Variants in CSMD1 observed in about 807,000 individuals in gnomAD.
The protein encoded by CSMD1 is CUB and sushi domain-containing protein 1.
CSMD1 carries 213 observed loss-of-function variants against 417.5 expected under a neutral mutation model. That is an observed-to-expected ratio of 0.51 (90% CI 0.46 to 0.57). The LOEUF is 0.57. Ranked by LOEUF, CSMD1 falls within the 20% of genes least tolerant of loss-of-function variation. The pLI, the probability that CSMD1 is intolerant of heterozygous loss-of-function variation, is 0.00. For missense variants in CSMD1, 6,923 were observed against 4,529.7 expected, an observed-to-expected ratio of 1.53 and a Z score of -15.17; for synonymous variants, 2,862 against 1,736.8, an observed-to-expected ratio of 1.65 and a Z score of -16.11.
intron 3 of CSMD1, among the ~76,000 whole-genome samples, chr8:4,404,823 G>A (rs1328796299): frequency 6.6e-6 from 1 of 152,108 alleles, no homozygotes; most frequent in African/African-American, 2.4e-5. Context: ...CACAGTAAGT[G>A]AGGCAATAAC....
At chr8:3,896,475 G>C (rs940642506) in intron 5 of CSMD1, among the ~76,000 whole-genome samples, 2 of 151,876 alleles carry the variant, frequency 1.3e-5, no homozygotes, top group African/African-American at 4.8e-5. Context: ...TTCAATAAAA[G>C]GCTACCAAAT....
chr8:4,473,712 G>T (rs1402213596), intron 2 of CSMD1, among the ~76,000 whole-genome samples: 1 of 152,136 alleles, frequency 6.6e-6, no homozygotes, highest in African/African-American at 2.4e-5. Flanking sequence ...AGGTATGCAG[G>T]AATGTGTAGC....
intron 5 of CSMD1, among the ~76,000 whole-genome samples, chr8:3,923,097 G>A (rs780950457): frequency 5.3e-5 from 8 of 152,136 alleles, no homozygotes; most frequent in Admixed American, 1.3e-4. Context: ...GGGCCCTTGT[G>A]ACTGGGACTC....
chr8:3,359,737 A>G (rs897197295), intron 20 of CSMD1, among the ~76,000 whole-genome samples: 3 of 152,202 alleles, frequency 2.0e-5, no homozygotes, highest in Non-Finnish European at 4.4e-5. Context: ...AAATAGCTCA[A>G]AGGCAAGATC....
At position 3,288,820 on chromosome 8, in the gene CSMD1, T is replaced by A. The variant is rs951598586; in HGVS notation, c.3951-4474A>T. 4.1e-5 allele frequency among the ~76,000 whole-genome samples: 6 copies of A among 147,374 alleles called. 1 individual carries two copies. The highest frequency in any genetic ancestry group is 1.3e-4 in the African/African-American group (5 of 37,182). Reference sequence around the variant, plus strand: ...ATAGACTAATTCCTATAATTGTATTTCTTTTATTTTATTTTATTATTATAC... The same window carrying A: ...ATAGACTAATTCCTATAATTGTATTACTTTTATTTTATTTTATTATTATAC... On this transcript the variant is annotated intron_variant, in intron 25 of 69. Coordinates refer to ENST00000635120, the MANE Select transcript of CSMD1 (RefSeq NM_033225.6).
At chr8:3,409,345 T>A (rs1812536726) in intron 13 of CSMD1, 78 bp downstream of exon 13, 1 of 1,334,614 alleles carries the variant, frequency 7.5e-7, no homozygotes, top group Non-Finnish European at 9.9e-7. Flanking sequence ...AAATGGGCGG[T>A]CTGTGTCTTT....
At chr8:4,257,672 T>A (rs1803559157) in intron 3 of CSMD1, among the ~76,000 whole-genome samples, 1 of 152,216 alleles carries the variant, frequency 6.6e-6, no homozygotes, top group Non-Finnish European at 1.5e-5. Context: ...GGTCTCAGGG[T>A]GCAGCAGTCT....
intron 3 of CSMD1, among the ~76,000 whole-genome samples, chr8:4,412,660 C>G (rs551671901): frequency 4.1e-4 from 62 of 152,188 alleles, no homozygotes; most frequent in African/African-American, 1.3e-3. Flanking sequence ...TTTTCTGATG[C>G]TAAGATTTTC....
intron 12 of CSMD1, among the ~76,000 whole-genome samples, chr8:3,461,597 G>C (rs983758193): frequency 1.3e-5 from 2 of 152,210 alleles, no homozygotes; most frequent in African/African-American, 4.8e-5. Context: ...AGCAGGAAGA[G>C]GAAGGGCCCC....
chr8:4,686,292 A>T (rs1806383245), intron 1 of CSMD1, among the ~76,000 whole-genome samples: 1 of 152,202 alleles, frequency 6.6e-6, no homozygotes, highest in Non-Finnish European at 1.5e-5. Flanking sequence ...CGGCCCATTA[A>T]AACGAACATA....
intron 7 of CSMD1, among the ~76,000 whole-genome samples, chr8:3,684,421 T>C (rs547837739): frequency 2.0e-5 from 3 of 149,654 alleles, no homozygotes; most frequent in South Asian, 4.2e-4. Context: ...ATATATTTTT[T>C]TCATCTGCAT....
At chr8:4,635,992 A>G (rs1296131805) in intron 2 of CSMD1, among the ~76,000 whole-genome samples, 1 of 152,060 alleles carries the variant, frequency 6.6e-6, no homozygotes, top group Non-Finnish European at 1.5e-5. Context: ...AATGCAAATA[A>G]AATATATTTG....
At chr8:4,023,753 ATTTTTTTTTTTTTTT>A (rs760333220) in intron 4 of CSMD1, among the ~76,000 whole-genome samples, 4 of 50,100 alleles carry the variant, frequency 8.0e-5, no homozygotes, top group African/African-American at 8.7e-5. Flanking sequence ...CGCTCGGCTA[ATTTTTTTTTTTTTTT>A]TTTTTTTTTT....
intron 10 of CSMD1, among the ~76,000 whole-genome samples, chr8:3,498,489 G>C (rs1233759200): frequency 6.6e-6 from 1 of 152,104 alleles, no homozygotes; most frequent in Admixed American, 6.5e-5. Flanking sequence ...AGCATCTTTG[G>C]CATTAGATCT....
chr8:4,555,780 G>A (rs1211223832), intron 2 of CSMD1, among the ~76,000 whole-genome samples: 1 of 152,094 alleles, frequency 6.6e-6, no homozygotes, highest in African/African-American at 2.4e-5. Flanking sequence ...AAATAATACT[G>A]AGATTGAAAG....
chr8:4,837,671 G>A (rs1408418859), intron 1 of CSMD1, among the ~76,000 whole-genome samples: 1 of 152,048 alleles, frequency 6.6e-6, no homozygotes, highest in South Asian at 2.1e-4. Context: ...AAAAAAGTTA[G>A]AATAAATAAA....
chr8:4,181,876 TA>T (rs1304988234), intron 3 of CSMD1, among the ~76,000 whole-genome samples: 1 of 152,180 alleles, frequency 6.6e-6, no homozygotes, highest in Non-Finnish European at 1.5e-5. Flanking sequence ...TAGTTGATTA[TA>T]ACATGATTTC....
At chr8:3,251,877 G>C (rs961382979) in intron 26 of CSMD1, among the ~76,000 whole-genome samples, 4 of 152,152 alleles carry the variant, frequency 2.6e-5, no homozygotes, top group African/African-American at 4.8e-5. Flanking sequence ...TCTGTTGTTG[G>C]TGTATAAGAA....
intron 3 of CSMD1, among the ~76,000 whole-genome samples, chr8:4,101,494 G>C (rs886329029): frequency 6.6e-6 from 1 of 152,162 alleles, no homozygotes; most frequent in African/African-American, 2.4e-5. Flanking sequence ...GCTGTCCTCA[G>C]TCACCCTGCA....
Sources: allele counts gnomAD v4.1 joint callset (sites outside exome capture counted in the v4.1 genomes callset), GRCh38; gene constraint gnomAD v4.1.1; transcripts MANE v1.5; gene names NCBI Gene and HGNC (gene_info 2026-07-23, HGNC 2026-07-21).